The following DLG2 variants were observed in gnomAD, a reference collection of about 807,000 sequenced individuals.
DLG2 encodes disks large homolog 2.
A neutral mutation model predicts 132.5 loss-of-function variants in DLG2; 45 were observed. The ratio of observed to expected loss-of-function variants is 0.34; its 90% CI spans 0.27 to 0.44. The LOEUF (loss-of-function observed/expected upper bound fraction) is 0.44. Among genes scored for constraint, DLG2 ranks in the 20% least tolerant of loss-of-function variants. The probability of loss-of-function intolerance (pLI) is 1.00; values close to 1 mark genes in which losing one functional copy is unlikely to be tolerated. For synonymous variants in DLG2, 424 were observed against 419.6 expected, an observed-to-expected ratio of 1.01 and a Z score of -0.13; for missense variants, 1,045 against 1,196.9, an observed-to-expected ratio of 0.87 and a Z score of 1.87.
At chr11:83,993,946 A>G (rs2093873620) in intron 11 of DLG2, among the ~76,000 whole-genome samples, 1 of 152,142 alleles carries the variant, frequency 6.6e-6, no homozygotes, top group African/African-American at 2.4e-5. Context: ...TGGAGAAAGC[A>G]AGCTGAAATA....
chr11:84,056,916 A>G (rs899706119), intron 11 of DLG2, among the ~76,000 whole-genome samples: 2 of 152,130 alleles, frequency 1.3e-5, no homozygotes, highest in East Asian at 3.9e-4. Context: ...ACCTCTCTCT[A>G]CAGGAATTTC....
intron 4 of DLG2, among the ~76,000 whole-genome samples, chr11:85,215,939 T>C (rs1021180456): frequency 1.3e-4 from 20 of 152,022 alleles, no homozygotes; most frequent in African/African-American, 3.1e-4. Context: ...ACAATGCTTG[T>C]CTTCAAGGAT....
chr11:85,106,976 T>C (rs936922076), intron 6 of DLG2, among the ~76,000 whole-genome samples: 2 of 152,060 alleles, frequency 1.3e-5, no homozygotes, highest in African/African-American at 2.4e-5. Flanking sequence ...TTTATACACA[T>C]TGTTTTCTGC....
intron 6 of DLG2, among the ~76,000 whole-genome samples, chr11:84,726,279 G>C (rs1036731442): frequency 6.6e-6 from 1 of 151,986 alleles, no homozygotes; most frequent in Non-Finnish European, 1.5e-5. Context: ...CCTACCCCCA[G>C]GCAGGCCCTG....
chr11:83,492,692 C>T (rs907601460), intron 21 of DLG2, among the ~76,000 whole-genome samples: 2 of 151,950 alleles, frequency 1.3e-5, no homozygotes, highest in Non-Finnish European at 2.9e-5. Context: ...CTTGCAGGGA[C>T]GCCTCTCTTT....
At chr11:83,899,342 G>C (rs1208648270) in intron 15 of DLG2, among the ~76,000 whole-genome samples, 1 of 152,192 alleles carries the variant, frequency 6.6e-6, no homozygotes, top group African/African-American at 2.4e-5. Flanking sequence ...AAAAAGCTCA[G>C]TCATGTAGGA....
chr11:85,068,474 T>G (rs971115921), intron 6 of DLG2, among the ~76,000 whole-genome samples: 1 of 152,130 alleles, frequency 6.6e-6, no homozygotes, highest in African/African-American at 2.4e-5. Flanking sequence ...AAAATCAATG[T>G]GCAAAAATCA....
intron 3 of DLG2, among the ~76,000 whole-genome samples, chr11:85,421,905 T>G (rs2090343640): frequency 6.6e-6 from 1 of 152,166 alleles, no homozygotes. Flanking sequence ...TCTCAGCATT[T>G]GTTTTTCCGA....
At chr11:85,283,163 T>A (rs2078340290) in intron 4 of DLG2, among the ~76,000 whole-genome samples, 5 of 151,690 alleles carry the variant, frequency 3.3e-5, no homozygotes, top group Admixed American at 3.3e-4. Flanking sequence ...TGAAATATAA[T>A]CTTACAACAA....
At chr11:85,359,455 C>A (rs1396757258) in intron 3 of DLG2, among the ~76,000 whole-genome samples, 2 of 152,156 alleles carry the variant, frequency 1.3e-5, no homozygotes. Flanking sequence ...AATCTATACC[C>A]TTTCAATATC....
At chr11:84,126,126 T>G (rs2094159753) in intron 9 of DLG2, among the ~76,000 whole-genome samples, 1 of 152,108 alleles carries the variant, frequency 6.6e-6, no homozygotes, top group South Asian at 2.1e-4. Context: ...GTGTAACTCA[T>G]GGGGCACAGT....
chr11:85,318,251 C>T (rs1165582582), intron 3 of DLG2, among the ~76,000 whole-genome samples: 1 of 151,896 alleles, frequency 6.6e-6, no homozygotes, highest in Non-Finnish European at 1.5e-5. Flanking sequence ...ATTCTTCCCA[C>T]ACTAAATGGA....
At chr11:84,050,046 T>C (rs1278984573) in intron 11 of DLG2, among the ~76,000 whole-genome samples, 1 of 151,586 alleles carries the variant, frequency 6.6e-6, no homozygotes, top group Non-Finnish European at 1.5e-5. Context: ...GAGATGTGAA[T>C]GGGACAATGA....
At chr11:83,893,389 C>A (rs1309456672) in intron 15 of DLG2, among the ~76,000 whole-genome samples, 1 of 152,168 alleles carries the variant, frequency 6.6e-6, no homozygotes, top group Non-Finnish European at 1.5e-5. Context: ...CTCATTGCTC[C>A]CCACTCTGTC....
chr11:85,233,505 G>A (rs926991533), intron 4 of DLG2, among the ~76,000 whole-genome samples: 1 of 151,728 alleles, frequency 6.6e-6, no homozygotes, highest in Non-Finnish European at 1.5e-5. Context: ...AAAGCATAAG[G>A]CTACCCACTC....
intron 3 of DLG2, among the ~76,000 whole-genome samples, chr11:85,543,533 C>T (rs1277596625): frequency 6.6e-6 from 1 of 152,160 alleles, no homozygotes; most frequent in Non-Finnish European, 1.5e-5. Flanking sequence ...AATGGTATTT[C>T]TAGTTCTAGA....
At chr11:84,316,276 C>T (rs2098354125) in intron 7 of DLG2, among the ~76,000 whole-genome samples, 2 of 152,102 alleles carry the variant, frequency 1.3e-5, no homozygotes, top group Non-Finnish European at 2.9e-5. Flanking sequence ...CTCTGTTTTG[C>T]TCATAATTAT....
At chr11:85,500,989 G>A (rs956523432) in intron 3 of DLG2, among the ~76,000 whole-genome samples, 1 of 152,176 alleles carries the variant, frequency 6.6e-6, no homozygotes, top group Non-Finnish European at 1.5e-5. Context: ...GAACAAAGCT[G>A]GAGGCATCAC....
chr11:83,911,463 GT>G (rs1228793205), intron 15 of DLG2, among the ~76,000 whole-genome samples: 1 of 151,036 alleles, frequency 6.6e-6, no homozygotes, highest in Non-Finnish European at 1.5e-5. Context: ...ATGAACTAAG[GT>G]TTTTTTTTCT....
Sources: allele counts gnomAD v4.1 joint callset (sites outside exome capture counted in the v4.1 genomes callset), GRCh38; gene constraint gnomAD v4.1.1; transcripts MANE v1.5; gene names NCBI Gene and HGNC (gene_info 2026-07-23, HGNC 2026-07-21).